The following ALKBH3 variants were observed in gnomAD, a reference collection of about 807,000 sequenced individuals.
ALKBH3 encodes the protein alpha-ketoglutarate-dependent dioxygenase alkB homolog 3.
In ALKBH3, 51 loss-of-function variants were observed where a neutral mutation model predicts 43.9. The ratio of observed to expected loss-of-function variants is 1.16; its 90% CI spans 0.93 to 1.47. The LOEUF is 1.47. ALKBH3 is among the 40% of genes most tolerant of loss of function. The probability of loss-of-function intolerance (pLI) is 0.00; values close to 1 mark genes in which losing one functional copy is unlikely to be tolerated. For synonymous variants in ALKBH3, 102 were observed against 115.2 expected (o/e 0.89, Z 0.73); for missense variants, 361 against 351.9 (o/e 1.03, Z -0.21).
At chr11:43,886,711 A>G in intron 5 of ALKBH3, 58 bp downstream of exon 5, 2 of 1,535,920 alleles carry the variant, frequency 1.3e-6, no homozygotes, top group South Asian at 2.2e-5. Context: ...GTCTCTTAAA[A>G]TAGTTTACTC....
At chr11:43,883,272 T>A in intron 3 of ALKBH3, 84 bp downstream of exon 3, 1 of 930,022 alleles carries the variant, frequency 1.1e-6, no homozygotes, top group Non-Finnish European at 1.6e-6. Flanking sequence ...AAATAAATAA[T>A]GACTGAATAA....
chr11:43,887,942 C>T (rs1227438421), intron 5 of ALKBH3, among the ~76,000 whole-genome samples: 2 of 151,166 alleles, frequency 1.3e-5, no homozygotes, highest in East Asian at 3.9e-4. Flanking sequence ...GCACGTGCCA[C>T]CATGCCCAGC....
chr11:43,920,128 T>C lies in ALKBH3; in HGVS notation c.*118T>C. 1.0e-6 allele frequency: 1 copy of C among 967,112 alleles called. No individual in the cohort carries two copies. Among genetic ancestry groups the C allele is most frequent in the Admixed American group, 2.3e-5 (1 of 43,058 alleles). The allele number at this position is 967,112 out of a possible 1,614,324, so 59.9% of individuals were successfully genotyped here. Reference sequence around the variant, plus strand: ...TGTGGCTGTTGGGAAGATGGTGGGGTTTGTTTGCCAGCTTGGAGTCCTATT... The same window carrying C: ...TGTGGCTGTTGGGAAGATGGTGGGGCTTGTTTGCCAGCTTGGAGTCCTATT... On this transcript the variant is annotated 3_prime_UTR_variant, in exon 10 of 10. Transcript: ENST00000302708.
chr11:43,919,393 G>C (rs1392312948), intron 9 of ALKBH3, among the ~76,000 whole-genome samples: 1 of 152,216 alleles, frequency 6.6e-6, no homozygotes, highest in African/African-American at 2.4e-5. Flanking sequence ...AGCCACATAT[G>C]ACTGACTTCT....
chr11:43,888,532 A>G (rs1565123160), intron 5 of ALKBH3, among the ~76,000 whole-genome samples: 1 of 152,258 alleles, frequency 6.6e-6, no homozygotes, highest in Non-Finnish European at 1.5e-5. Context: ...AATTGTCACT[A>G]TAAAATAATG....
chr11:43,897,048 C>G (rs1343003021), intron 7 of ALKBH3: 1 of 359,026 alleles, frequency 2.8e-6, no homozygotes, highest in African/African-American at 2.1e-5. Context: ...CTCAAGCGAT[C>G]CTCCTGCCTC....
chr11:43,899,504 T>C (rs3824948), intron 7 of ALKBH3: 167,670 of 694,066 alleles, frequency 0.24, 25,610 homozygotes, highest in South Asian at 0.34. Context: ...CTTCTCCCAG[T>C]TGAGTGCACC....
chr11:43,892,813 T>A (rs1008558369), intron 7 of ALKBH3, among the ~76,000 whole-genome samples: 2 of 152,222 alleles, frequency 1.3e-5, no homozygotes, highest in Non-Finnish European at 2.9e-5. Flanking sequence ...GGCATTGGGA[T>A]ACACAGAAAT....
intron 8 of ALKBH3, among the ~76,000 whole-genome samples, chr11:43,908,084 T>C (rs1951908740): frequency 6.6e-6 from 1 of 152,180 alleles, no homozygotes; most frequent in Non-Finnish European, 1.5e-5. Context: ...GAAAGTGTTA[T>C]TGAGGAGTAA....
At chr11:43,915,368 T>C (rs1951975491) in intron 8 of ALKBH3, among the ~76,000 whole-genome samples, 1 of 152,060 alleles carries the variant, frequency 6.6e-6, no homozygotes. Context: ...GATTATAGAT[T>C]GCTGCAGCCT....
intron 9 of ALKBH3, chr11:43,919,544 A>G: frequency 3.6e-6 from 1 of 278,234 alleles, no homozygotes; most frequent in Non-Finnish European, 6.7e-6. Context: ...TTTTTAGGCC[A>G]GATCATTTCT....
intron 2 of ALKBH3, 155 bp from the exon 3 acceptor site, chr11:43,882,930 C>A: frequency 1.2e-6 from 1 of 813,666 alleles, no homozygotes; most frequent in Non-Finnish European, 1.9e-6. Flanking sequence ...TTAGTCCACA[C>A]CCTCAAACCT....
intron 3 of ALKBH3, 62 bp downstream of exon 3, chr11:43,883,250 CAGT>C (rs1951724221): frequency 1.7e-6 from 2 of 1,153,630 alleles, no homozygotes; most frequent in South Asian, 2.7e-5. Context: ...GATATTCACA[CAGT>C]AGACACTCAA....
Position 43,887,164 on chromosome 11 carries a change from G to A in ALKBH3, c.266+511G>A, listed in dbSNP as rs35840644. The stretch of plus-strand genomic sequence containing the variant: ...AACTTCTGCCCCTTAAATTCTTGGG[G>A]AGCAAAAATTTGATAATATCTCCTT... On this transcript the variant is annotated intron_variant, in intron 5 of 9. Transcript: ENST00000302708. Among the ~76,000 whole-genome samples the A allele has an allele frequency of 8.1e-3, 1,233 of 152,232 alleles. 13 individuals are homozygous for A. The highest frequency in any genetic ancestry group is 0.028 in the African/African-American group (1,163 of 41,536).
chr11:43,898,093 C>A, intron 7 of ALKBH3: 1 of 1,047,302 alleles, frequency 9.5e-7, no homozygotes, highest in Non-Finnish European at 1.5e-6. Flanking sequence ...TGGCGATGCC[C>A]TCAGCAGCCC....
chr11:43,901,484 G>A (rs1468072307), intron 7 of ALKBH3, 32 bp from the exon 8 acceptor site: 1 of 1,610,998 alleles, frequency 6.2e-7, no homozygotes, highest in Admixed American at 1.7e-5. Flanking sequence ...TAATGCGACT[G>A]TCTTGCCCTT....
At chr11:43,916,440 A>G (rs1951983881) in intron 8 of ALKBH3, among the ~76,000 whole-genome samples, 1 of 152,180 alleles carries the variant, frequency 6.6e-6, no homozygotes, top group Non-Finnish European at 1.5e-5. Context: ...GTATTTGGAA[A>G]ACCAAGAACA....
intron 7 of ALKBH3, among the ~76,000 whole-genome samples, chr11:43,900,772 A>G (rs1164832486): frequency 6.6e-6 from 1 of 152,174 alleles, no homozygotes; most frequent in Non-Finnish European, 1.5e-5. Flanking sequence ...AGTACAATCT[A>G]AGGTCAGGGG....
In ALKBH3 at chr11:43,900,215, A is replaced by ATTT. The variant is rs34274072; in HGVS notation, c.460-1277_460-1275dup. On this transcript the variant is annotated intron_variant, in intron 7 of 9. Transcript: ENST00000302708. ...ATTGCATTTTTTTTATTTTAATTTA[A>ATTT]TTTTTTTTTTTTTTTTTTTTTTTTT... 9.2e-4 allele frequency among the ~76,000 whole-genome samples: 80 copies of ATTT among 87,106 alleles called. 1 individual carries two copies. Among genetic ancestry groups the ATTT allele is most frequent in the African/African-American group, 2.2e-3 (49 of 22,394 alleles). The allele number at this position is 87,106 out of a possible 152,430, so 57.1% of individuals were successfully genotyped here.
Sources: gnomAD v4.1 joint callset for allele counts (sites outside exome capture counted in the v4.1 genomes callset) on GRCh38, gnomAD v4.1.1 for gene constraint, MANE v1.5 for transcripts, NCBI Gene and HGNC (gene_info 2026-07-23, HGNC 2026-07-21) for gene names.